The following NCAM2 variants were observed in gnomAD, a reference collection of about 807,000 sequenced individuals.
NCAM2 encodes the protein neural cell adhesion molecule 2, also known as N-CAM-2.
Under a neutral mutation model 98.1 loss-of-function variants are expected in NCAM2, and 30 were observed. The observed-to-expected ratio is 0.31, with a 90% CI of 0.23 to 0.41. The LOEUF (loss-of-function observed/expected upper bound fraction) is 0.41, where lower values mean the gene tolerates loss of function less well. Among genes scored for constraint, NCAM2 ranks in the 10% least tolerant of loss-of-function variants. The pLI is 1.00. For missense variants in NCAM2, 867 were observed against 1,005.8 expected (o/e 0.86, Z 1.87); for synonymous variants, 368 against 342.4 (o/e 1.07, Z -0.83).
At chr21:21,140,245 A>G (rs12482530) in intron 1 of NCAM2, among the ~76,000 whole-genome samples, 37,864 of 152,052 alleles carry the variant, frequency 0.25, 5,440 homozygotes, top group East Asian at 0.45. Context: ...AAAATAAGTG[A>G]CACTGGAAAT....
intron 8 of NCAM2, among the ~76,000 whole-genome samples, chr21:21,340,094 A>T (rs927202719): frequency 1.2e-4 from 18 of 152,052 alleles, no homozygotes; most frequent in Non-Finnish European, 4.4e-5. Flanking sequence ...AATTAAAAAA[A>T]TACAATCGTA....
At chr21:21,198,759 C>T (rs2069102401) in intron 1 of NCAM2, among the ~76,000 whole-genome samples, 1 of 152,132 alleles carries the variant, frequency 6.6e-6, no homozygotes, top group Non-Finnish European at 1.5e-5. Context: ...ACAGTACACC[C>T]TTCAAATCAA....
intron 12 of NCAM2, among the ~76,000 whole-genome samples, chr21:21,434,614 T>C (rs1602331890): frequency 6.6e-6 from 1 of 152,294 alleles, no homozygotes; most frequent in Non-Finnish European, 1.5e-5. Flanking sequence ...GATTCTCCCT[T>C]TCAGTTATTT....
Position 21,155,655 on chromosome 21 carries a change from T to C in NCAM2, c.56-124923T>C, listed in dbSNP as rs2067588485. ...TGAGCTCCCTTTTCAAAATAATATC[T>C]TTAAATTGATAATGTAATAGAAACT... On this transcript the variant is annotated intron_variant, in intron 1 of 17. Transcript: ENST00000400546. Among the ~76,000 whole-genome samples the C allele has an allele frequency of 2.6e-5, 4 of 152,032 alleles. No individual in the cohort carries two copies. The South Asian group carries it at 8.3e-4, about 32-fold the overall frequency.
chr21:21,122,169 A>G (rs2066689906), intron 1 of NCAM2, among the ~76,000 whole-genome samples: 1 of 4,040 alleles, frequency 2.5e-4, no homozygotes, highest in South Asian at 0.12. Context: ...CAACCTTTTA[A>G]CCGAGGAATT....
At chr21:21,017,318 T>C (rs570905608) in intron 1 of NCAM2, among the ~76,000 whole-genome samples, 2 of 142,196 alleles carry the variant, frequency 1.4e-5, no homozygotes, top group East Asian at 4.2e-4. Flanking sequence ...CCCAGCTACT[T>C]GGGAGGCTGA....
rs1441279093 is a variant in NCAM2 at position 21,541,129 on chromosome 21, TTA to T, written c.*3174_*3175del. The T allele has an allele frequency of 1.6e-5, 2 of 123,418 alleles. No homozygotes were observed. Among genetic ancestry groups the T allele is most frequent in the African/African-American group, 2.6e-5 (1 of 38,580 alleles). The allele number at this position is 123,418 out of a possible 1,614,324, so 7.6% of individuals were successfully genotyped here. A position where few individuals can be genotyped will look rare whatever the true frequency, so the allele number is the denominator to read the frequency against. ...AAATAGATTTTATTAATCAAATTAT[TTA>T]TTTGTGTGCCAACAATTAATTGTAA... is the stretch of plus-strand genomic sequence containing the variant. On this transcript the variant is annotated 3_prime_UTR_variant, in exon 18 of 18. Coordinates refer to ENST00000400546, the MANE Select transcript of NCAM2 (RefSeq NM_004540.5).
At chr21:21,299,887 T>A (rs1017957561) in intron 5 of NCAM2, among the ~76,000 whole-genome samples, 7 of 151,852 alleles carry the variant, frequency 4.6e-5, no homozygotes, top group Admixed American at 1.3e-4. Context: ...TCAAGTCCCT[T>A]TATGTAAAAA....
At chr21:21,088,669 A>G (rs981429145) in intron 1 of NCAM2, among the ~76,000 whole-genome samples, 6 of 152,232 alleles carry the variant, frequency 3.9e-5, no homozygotes, top group Non-Finnish European at 5.9e-5. Flanking sequence ...GGCTTGGCAA[A>G]CTTAGTTGAG....
At chr21:21,159,249 T>A (rs548934934) in intron 1 of NCAM2, among the ~76,000 whole-genome samples, 2 of 152,058 alleles carry the variant, frequency 1.3e-5, no homozygotes, top group Admixed American at 6.6e-5. Context: ...TTTTAAAAAA[T>A]AAAAAAGTTA....
At chr21:21,216,903 A>C (rs973920062) in intron 1 of NCAM2, among the ~76,000 whole-genome samples, 1 of 152,150 alleles carries the variant, frequency 6.6e-6, no homozygotes, top group Non-Finnish European at 1.5e-5. Context: ...TCTTTAGCAA[A>C]TGTCTCCTGG....
At chr21:21,210,708 C>A in intron 1 of NCAM2, 1 of 1,145,774 alleles carries the variant, frequency 8.7e-7, no homozygotes, top group Non-Finnish European at 1.1e-6. Flanking sequence ...TGGACCATTG[C>A]CCAGGGCTGT....
At chr21:21,106,807 T>C (rs9980077) in intron 1 of NCAM2, among the ~76,000 whole-genome samples, 11,357 of 152,056 alleles carry the variant, frequency 0.075, 1,374 homozygotes, top group African/African-American at 0.25. Context: ...TCTATGGTTT[T>C]CAAATAAACC....
At chr21:21,109,475 G>A (rs1017201132) in intron 1 of NCAM2, among the ~76,000 whole-genome samples, 1 of 151,932 alleles carries the variant, frequency 6.6e-6, no homozygotes, top group Admixed American at 6.6e-5. Flanking sequence ...GCTTCATGTG[G>A]CAAATTGCAA....
chr21:21,341,624 T>A (rs755315860), intron 8 of NCAM2, among the ~76,000 whole-genome samples: 16 of 151,900 alleles, frequency 1.1e-4, no homozygotes, highest in Non-Finnish European at 1.9e-4. Flanking sequence ...ACTAATAATT[T>A]CATCTAACAA....
chr21:21,149,234 A>G (rs767998673), intron 1 of NCAM2, among the ~76,000 whole-genome samples: 2 of 152,024 alleles, frequency 1.3e-5, no homozygotes, highest in Non-Finnish European at 2.9e-5. Flanking sequence ...CTTCTTGGCA[A>G]TTTTCTCAAA....
At chr21:21,062,163 G>A (rs1446021588) in intron 1 of NCAM2, among the ~76,000 whole-genome samples, 1 of 152,102 alleles carries the variant, frequency 6.6e-6, no homozygotes, top group African/African-American at 2.4e-5. Context: ...GAAAAAGAGA[G>A]GGTTTGTTTC....
At chr21:21,045,839 A>G (rs549538369) in intron 1 of NCAM2, among the ~76,000 whole-genome samples, 2 of 152,290 alleles carry the variant, frequency 1.3e-5, no homozygotes, top group East Asian at 1.9e-4. Context: ...TCTATCTTAG[A>G]TATCTTGGGA....
At chr21:21,491,885 T>C (rs186453430) in intron 15 of NCAM2, among the ~76,000 whole-genome samples, 6 of 151,758 alleles carry the variant, frequency 4.0e-5, no homozygotes, top group South Asian at 2.1e-4. Context: ...ACAATAGTTA[T>C]AGTAGTTTGA....
Sources: allele counts gnomAD v4.1 joint callset (sites outside exome capture counted in the v4.1 genomes callset), GRCh38; gene constraint gnomAD v4.1.1; transcripts MANE v1.5; gene names NCBI Gene and HGNC (gene_info 2026-07-23, HGNC 2026-07-21).